C18orf32: variants seen among roughly 807,000 people sequenced by gnomAD.
The protein encoded by C18orf32 is chromosome 18 open reading frame 32, also known as UPF0729 protein C18orf32.
In C18orf32, 5 loss-of-function variants were observed where a neutral mutation model predicts 7.4. That is an observed-to-expected ratio of 0.68 (90% CI 0.35 to 1.42). C18orf32 has a LOEUF of 1.42. C18orf32 is among the 40% of genes most tolerant of loss of function. The pLI is 0.04. For missense variants in C18orf32, 88 were observed against 92.4 expected (o/e 0.95, Z 0.19); for synonymous variants, 30 against 29.3 (o/e 1.02, Z -0.08).
intron 1 of C18orf32, among the ~76,000 whole-genome samples, chr18:49,484,123 T>C (rs1212885857): frequency 1.8e-5 from 2 of 111,982 alleles, no homozygotes; most frequent in African/African-American, 3.4e-5. Context: ...AGAGACACTT[T>C]GTCTCAAAAA....
At chr18:49,486,287 C>G (rs1600478562) in intron 1 of C18orf32, 1 of 152,102 alleles carries the variant, frequency 6.6e-6, no homozygotes, top group South Asian at 2.1e-4. Flanking sequence ...TTCAAAACAA[C>G]TGACAATGCT....
chr18:49,482,538 C>T (rs2083675022), intron 2 of C18orf32, 128 bp from the exon 3 acceptor site: 1 of 628,844 alleles, frequency 1.6e-6, no homozygotes, highest in Non-Finnish European at 2.8e-6. Context: ...ACCATCCTGG[C>T]TGACATGGTG....
At chr18:49,486,033 G>C (rs72911812) in intron 1 of C18orf32, 7,050 of 147,808 alleles carry the variant, frequency 0.048, 218 homozygotes, top group Middle Eastern at 0.1. Flanking sequence ...CGTGAGCTAT[G>C]ATGGCCCACT....
Position 49,478,686 on chromosome 18 carries a change from G to C in C18orf32, c.*3659C>G, listed in dbSNP as rs1384559680. On this transcript the variant is annotated 3_prime_UTR_variant, in exon 3 of 3. Transcript: ENST00000318240. ...AAGGGTAGCTCTTACTAAAAAGGCA[G>C]CCCTGACCTTTACACAGACAGATGT... The C allele has an allele frequency of 1.3e-5, 2 of 150,286 alleles. No homozygotes were observed. Among genetic ancestry groups the C allele is most frequent in the Non-Finnish European group, 2.9e-5 (2 of 68,030 alleles). 9.3% of individuals were successfully genotyped at this position (150,286 alleles called of 1,614,324 possible).
chr18:49,486,164 C>G (rs1459998905), intron 1 of C18orf32: 1 of 151,796 alleles, frequency 6.6e-6, no homozygotes, highest in East Asian at 1.9e-4. Context: ...GCTTCTAAGA[C>G]CATTATTTCC....
In C18orf32 at chr18:49,478,934, A is replaced by AAT. The variant is rs2083639165; in HGVS notation, c.*3410_*3411insAT. 1 of 140,832 alleles carries AAT rather than the reference A, an allele frequency of 7.1e-6. No individual in the cohort carries two copies. Among genetic ancestry groups the AAT allele is most frequent in the African/African-American group, 3.2e-5 (1 of 30,822 alleles). The allele number at this position is 140,832 out of a possible 1,614,324, so 8.7% of individuals were successfully genotyped here. A position where few individuals can be genotyped will look rare whatever the true frequency, so the allele number is the denominator to read the frequency against. On this transcript the variant is annotated 3_prime_UTR_variant, in exon 3 of 3. Transcript: ENST00000318240. ...TGTTCTTTTTCACTCTTCTGGTGTC[A>AAT]AACTGTCTTTTACGAAATACTGGTA... is the stretch of plus-strand genomic sequence containing the variant.
chr18:49,483,841 A>G, intron 1 of C18orf32, 70 bp from the exon 2 acceptor site: 1 of 1,538,174 alleles, frequency 6.5e-7, no homozygotes, highest in Non-Finnish European at 8.7e-7. Flanking sequence ...ACCAAGATTA[A>G]GATATCTGAA....
At chr18:49,482,556 G>A (rs547394287) in intron 2 of C18orf32, 146 bp from the exon 3 acceptor site, 49 of 575,142 alleles carry the variant, frequency 8.5e-5, no homozygotes, top group Middle Eastern at 9.9e-4. Flanking sequence ...GTGAAACCCC[G>A]TCCCTACTAA....
chr18:49,483,682 A>G lies in C18orf32; in HGVS notation c.67T>C (p.Tyr23His), dbSNP rs918546080. The change falls in exon 2 of 3, where the codon TAT becomes CAT. Residue 23 changes from tyrosine to histidine, a missense_variant. Coordinates refer to ENST00000318240, the MANE Select transcript of C18orf32 (RefSeq NM_001035005.4). ...AAGGGGGAAACCAGAGGGTATATAT[A>G]TGGCTCCAGGAATTTTTTGTAGATC... ...LWIYKKFLEP[Y>H]IYPLVSPFVS... 3.7e-6 allele frequency: 6 copies of G among 1,613,766 alleles called. No homozygotes were observed. The African/African-American group carries it at 6.7e-5, about 18-fold the overall frequency.
chr18:49,482,395 C>A lies in C18orf32; in HGVS notation c.181G>T (p.Gly61Ter), dbSNP rs545647720. 6.2e-7 allele frequency: 1 copy of A among 1,611,776 alleles called. No individual in the cohort carries two copies. The change falls in exon 3 of 3, where the codon GGA becomes TGA. Residue 61 changes from glycine (G) to a stop codon, truncating the protein, a stop_gained. Coordinates refer to ENST00000318240, the MANE Select transcript of C18orf32 (RefSeq NM_001035005.4). LOFTEE classifies it high-confidence loss of function. ...TCTGTTGGTCCTTTTGTTGGTAATC[C>A]ATTCATGTCTGCACCCTAAAATGAA... ...KVNFKGADMN[G>*]LPTKGPTEIC...
intron 1 of C18orf32, among the ~76,000 whole-genome samples, chr18:49,483,975 A>G (rs2083700240): frequency 6.6e-6 from 1 of 151,680 alleles, no homozygotes; most frequent in Admixed American, 6.6e-5. Context: ...TACAAGATCA[A>G]AAAATTAGCT....
chr18:49,487,011 G>C (rs1447469070), intron 1 of C18orf32, 32 bp downstream of exon 1: 1 of 152,624 alleles, frequency 6.6e-6, no homozygotes, highest in East Asian at 1.9e-4. Flanking sequence ...CGGGGCGGAG[G>C]GCGGAGGAGC....
intron 1 of C18orf32, chr18:49,486,705 G>A (rs939224620): frequency 2.6e-5 from 4 of 152,134 alleles, no homozygotes; most frequent in Non-Finnish European, 5.9e-5. Flanking sequence ...GACAGTTAAA[G>A]TCTGAGGCTC....
intron 2 of C18orf32, 152 bp from the exon 3 acceptor site, chr18:49,482,562 A>G: frequency 1.8e-6 from 1 of 561,858 alleles, no homozygotes; most frequent in Non-Finnish European, 3.1e-6. Context: ...CCCCGTCCCT[A>G]CTAAAAATAC....
Position 49,479,509 on chromosome 18 carries a change from A to G in C18orf32, c.*2836T>C, listed in dbSNP as rs990686413. ...CCCAGGCAGTGTCCCAGCAAGCCAGATAGCACTCTTGAGAGGAAGCAGTAG... is the reference window on the plus strand; with the variant it reads ...CCCAGGCAGTGTCCCAGCAAGCCAGGTAGCACTCTTGAGAGGAAGCAGTAG... On this transcript the variant is annotated 3_prime_UTR_variant, in exon 3 of 3. Transcript: ENST00000318240. The G allele has an allele frequency of 4.6e-5, 7 of 152,686 alleles. No homozygotes were observed. Among genetic ancestry groups the G allele is most frequent in the Non-Finnish European group, 7.3e-5 (5 of 68,450 alleles). 9.5% of individuals were successfully genotyped at this position (152,686 alleles called of 1,614,324 possible).
At chr18:49,484,714 G>A (rs184060423) in intron 1 of C18orf32, 1 of 152,322 alleles carries the variant, frequency 6.6e-6, no homozygotes, top group East Asian at 1.9e-4. Flanking sequence ...GTAGGTGCTA[G>A]ACAGTTTACA....
Position 49,485,074 on chromosome 18 carries a change from T to TC in C18orf32, c.-23-1304dup, listed in dbSNP as rs561589266. On this transcript the variant is annotated intron_variant, in intron 1 of 2. Coordinates refer to ENST00000318240, the MANE Select transcript of C18orf32 (RefSeq NM_001035005.4). Reference sequence around the variant, plus strand: ...TCCAGCCTGGGTGACAGAGCAAAACTCCGTCTCAAAAAAAAGATTTCTTAT... The same window carrying TC: ...TCCAGCCTGGGTGACAGAGCAAAACTCCCGTCTCAAAAAAAAGATTTCTTAT... Among the ~76,000 whole-genome samples, 7 of 151,502 alleles carry TC rather than the reference T, an allele frequency of 4.6e-5. No homozygotes were observed. In the South Asian group the frequency reaches 1.5e-3, roughly 32 times the overall value.
intron 2 of C18orf32, among the ~76,000 whole-genome samples, chr18:49,483,157 A>AAT (rs1254417944): frequency 6.6e-6 from 1 of 152,200 alleles, no homozygotes; most frequent in East Asian, 1.9e-4. Flanking sequence ...TTGCTTCCAG[A>AAT]AACGGGCCGG....
At chr18:49,482,956 G>A (rs545206464) in intron 2 of C18orf32, among the ~76,000 whole-genome samples, 11 of 151,836 alleles carry the variant, frequency 7.2e-5, no homozygotes, top group Non-Finnish European at 1.3e-4. Flanking sequence ...CCACCACCGC[G>A]CCTCACTAAT....
Sources: allele counts gnomAD v4.1 joint callset (sites outside exome capture counted in the v4.1 genomes callset), GRCh38; gene constraint gnomAD v4.1.1; transcripts MANE v1.5; gene names NCBI Gene and HGNC (gene_info 2026-07-23, HGNC 2026-07-21).